PLCG2: variants seen among roughly 807,000 people sequenced by gnomAD.
The protein encoded by PLCG2 is 1-phosphatidylinositol 4,5-bisphosphate phosphodiesterase gamma-2.
Under a neutral mutation model 175.6 loss-of-function variants are expected in PLCG2, and 69 were observed. That is an observed-to-expected ratio of 0.39 (90% CI 0.32 to 0.48). PLCG2 has a LOEUF of 0.48. Among genes scored for constraint, PLCG2 ranks in the 20% least tolerant of loss-of-function variants. PLCG2 has a pLI of 0.91. For synonymous variants in PLCG2, 827 were observed against 624.0 expected (o/e 1.33, Z -4.85); for missense variants, 1,798 against 1,650.9 (o/e 1.09, Z -1.54).
At chr16:81,820,465 A>G (rs1456341739) in intron 2 of PLCG2, among the ~76,000 whole-genome samples, 1 of 152,230 alleles carries the variant, frequency 6.6e-6, no homozygotes, top group Non-Finnish European at 1.5e-5. Context: ...GATGTTCTCA[A>G]GGTTCACCCA....
chr16:81,824,972 A>G (rs1407066563), intron 2 of PLCG2, among the ~76,000 whole-genome samples: 1 of 152,240 alleles, frequency 6.6e-6, no homozygotes, highest in Non-Finnish European at 1.5e-5. Flanking sequence ...AGAGAGCAGG[A>G]TTCTGGCTTT....
chr16:81,952,767 T>C (rs1911417845), intron 31 of PLCG2, among the ~76,000 whole-genome samples: 1 of 152,226 alleles, frequency 6.6e-6, no homozygotes, highest in African/African-American at 2.4e-5. Context: ...AGAAAATCAC[T>C]ATTGAAACAG....
chr16:81,922,126 C>T (rs557088528), intron 21 of PLCG2, among the ~76,000 whole-genome samples: 2 of 152,284 alleles, frequency 1.3e-5, no homozygotes, highest in South Asian at 4.1e-4. Flanking sequence ...GTAGAGGCTG[C>T]TCTGTTTGCA....
intron 2 of PLCG2, among the ~76,000 whole-genome samples, chr16:81,761,523 G>A (rs1301135928): frequency 1.3e-5 from 2 of 152,200 alleles, no homozygotes; most frequent in African/African-American, 4.8e-5. Context: ...CTAGGTTAGA[G>A]TCATATGTCT....
At chr16:81,750,534 A>G (rs776217423) in intron 1 of PLCG2, among the ~76,000 whole-genome samples, 3 of 152,062 alleles carry the variant, frequency 2.0e-5, no homozygotes, top group Non-Finnish European at 4.4e-5. Context: ...TCATTGCAGC[A>G]TCATTCATAA....
At chr16:81,863,715 C>T (rs1011942050) in intron 5 of PLCG2, among the ~76,000 whole-genome samples, 19 of 152,228 alleles carry the variant, frequency 1.2e-4, no homozygotes, top group African/African-American at 4.6e-4. Context: ...TTCATATCCT[C>T]ACCAACACTT....
chr16:81,916,235 C>A (rs117233649), intron 19 of PLCG2, among the ~76,000 whole-genome samples: 2 of 148,926 alleles, frequency 1.3e-5, no homozygotes, highest in South Asian at 2.1e-4. Flanking sequence ...GACTTTTTGA[C>A]GAAATCGCTT....
At chr16:81,835,224 C>T (rs1001470571) in intron 2 of PLCG2, among the ~76,000 whole-genome samples, 10 of 152,110 alleles carry the variant, frequency 6.6e-5, no homozygotes, top group South Asian at 2.1e-4. Flanking sequence ...GTGGCTGGCA[C>T]GAAATGGGAT....
chr16:81,821,314 C>G (rs528780805), intron 2 of PLCG2, among the ~76,000 whole-genome samples: 193 of 152,340 alleles, frequency 1.3e-3, no homozygotes, highest in African/African-American at 4.5e-3. Context: ...GGATTGTTGT[C>G]TCTTGCTGTG....
chr16:81,776,442 A>G (rs1252871332), upstream of PLCG2, among the ~76,000 whole-genome samples: 1 of 151,330 alleles, frequency 6.6e-6, no homozygotes, highest in Non-Finnish European at 1.5e-5. Flanking sequence ...ATTTTATTCC[A>G]TGGAAAAGAA....
In PLCG2 at chr16:81,946,118, A is replaced by C. The variant is rs981420165; in HGVS notation, c.3482-57A>C. On this transcript the variant is annotated intron_variant, in intron 30 of 32. Transcript: ENST00000564138. ...GATCCCGAGGTAGCCTCCAAAAAAAATCTAAGGTCTGACATTAATTACCTG... is the reference window on the plus strand; with the variant it reads ...GATCCCGAGGTAGCCTCCAAAAAAACTCTAAGGTCTGACATTAATTACCTG... 1.0e-5 allele frequency: 14 copies of C among 1,383,476 alleles called. No individual in the cohort carries two copies. In the Admixed American group the frequency reaches 1.7e-4, roughly 17 times the overall value. The allele number at this position is 1,383,476 out of a possible 1,614,324, so 85.7% of individuals were successfully genotyped here.
At chr16:81,886,321 G>A (rs1246942334) in intron 9 of PLCG2, among the ~76,000 whole-genome samples, 4 of 152,172 alleles carry the variant, frequency 2.6e-5, no homozygotes, top group Admixed American at 6.5e-5. Context: ...GTTAGGACCC[G>A]AGCAGCCATG....
intron 2 of PLCG2, among the ~76,000 whole-genome samples, chr16:81,799,671 C>G (rs1349427212): frequency 6.7e-6 from 1 of 149,936 alleles, no homozygotes; most frequent in Non-Finnish European, 1.5e-5. Flanking sequence ...TGGCTCACTG[C>G]AAGCTCCGCC....
chr16:81,924,070 A>G (rs1482141503), intron 22 of PLCG2, among the ~76,000 whole-genome samples: 1 of 152,266 alleles, frequency 6.6e-6, no homozygotes. Context: ...ATGCTGTTCC[A>G]TAGTCCCGTG....
chr16:81,837,973 A>G (rs1467688416), intron 2 of PLCG2, among the ~76,000 whole-genome samples: 1 of 152,194 alleles, frequency 6.6e-6, no homozygotes, highest in Non-Finnish European at 1.5e-5. Flanking sequence ...GGTCACATGC[A>G]TAGCATCCTA....
At chr16:81,933,263 G>A (rs982813162) in intron 25 of PLCG2, among the ~76,000 whole-genome samples, 1 of 152,184 alleles carries the variant, frequency 6.6e-6, no homozygotes, top group African/African-American at 2.4e-5. Flanking sequence ...TAGAGTTGAC[G>A]GAGTTCCCAC....
intron 28 of PLCG2, among the ~76,000 whole-genome samples, chr16:81,938,142 G>C (rs1049398960): frequency 9.9e-5 from 15 of 152,178 alleles, no homozygotes; most frequent in African/African-American, 2.9e-4. Flanking sequence ...TCCTCTGTGG[G>C]GGTGAGGTAT....
chr16:81,757,239 C>G (rs1243893715), intron 2 of PLCG2, among the ~76,000 whole-genome samples: 2 of 152,160 alleles, frequency 1.3e-5, no homozygotes, highest in Admixed American at 6.5e-5. Flanking sequence ...ATCCATTCAT[C>G]CATCCACCCA....
At chr16:81,840,254 C>T (rs1274301393) in intron 2 of PLCG2, among the ~76,000 whole-genome samples, 1 of 152,136 alleles carries the variant, frequency 6.6e-6, no homozygotes, top group Non-Finnish European at 1.5e-5. Flanking sequence ...CCCTGAGCTG[C>T]CCACCCTGTC....
Sources: gnomAD v4.1 joint callset for allele counts (sites outside exome capture counted in the v4.1 genomes callset) on GRCh38, gnomAD v4.1.1 for gene constraint, MANE v1.5 for transcripts, NCBI Gene and HGNC (gene_info 2026-07-23, HGNC 2026-07-21) for gene names.